CORIN: variants seen among roughly 807,000 people sequenced by gnomAD.
The protein encoded by CORIN is corin, serine peptidase.
In CORIN, 117 loss-of-function variants were observed where a neutral mutation model predicts 125.3. That is an observed-to-expected ratio of 0.93 (90% CI 0.80 to 1.09). The LOEUF is 1.09. Among genes scored for constraint, CORIN ranks in the 50% least tolerant of loss-of-function variants. The probability of loss-of-function intolerance (pLI) is 0.00; values close to 1 mark genes in which losing one functional copy is unlikely to be tolerated. For missense variants in CORIN, 1,253 were observed against 1,306.7 expected, an observed-to-expected ratio of 0.96 and a Z score of 0.63; for synonymous variants, 450 against 466.4, an observed-to-expected ratio of 0.96 and a Z score of 0.45.
chr4:47,711,043 A>G (rs1468236024), intron 5 of CORIN, among the ~76,000 whole-genome samples: 1 of 152,184 alleles, frequency 6.6e-6, no homozygotes, highest in Non-Finnish European at 1.5e-5. Flanking sequence ...GACTTTGAAG[A>G]ACAAAGAATG....
chr4:47,662,769 T>C lies in CORIN; in HGVS notation c.1590-913A>G, dbSNP rs1489664199. 2.6e-5 allele frequency among the ~76,000 whole-genome samples: 4 copies of C among 152,176 alleles called. No individual in the cohort carries two copies. The South Asian group carries it at 6.2e-4, about 24-fold the overall frequency. ...TTAAGATAAAATGGGAGACAGATCT[T>C]CCAGAAAGGCCAGCTCCAGTCTTGC... On this transcript the variant is annotated intron_variant, in intron 11 of 21. Transcript: ENST00000273857.
At chr4:47,791,136 T>C (rs1731059799) in intron 2 of CORIN, among the ~76,000 whole-genome samples, 1 of 152,140 alleles carries the variant, frequency 6.6e-6, no homozygotes, top group African/African-American at 2.4e-5. Context: ...AATTTTGAGA[T>C]GAAGAGACTA....
intron 15 of CORIN, 76 bp downstream of exon 15, chr4:47,643,070 T>G: frequency 2.5e-6 from 4 of 1,608,792 alleles, no homozygotes; most frequent in Non-Finnish European, 3.4e-6. Flanking sequence ...ATCCAGGAAG[T>G]AATTTAGGAT....
chr4:47,657,451 C>T (rs1021740985), intron 12 of CORIN, among the ~76,000 whole-genome samples: 8 of 147,836 alleles, frequency 5.4e-5, no homozygotes, highest in East Asian at 2.0e-4. Context: ...AGGAGAATGG[C>T]GAGAACCCAT....
At chr4:47,648,521 A>C (rs748526497) in intron 13 of CORIN, among the ~76,000 whole-genome samples, 1 of 152,166 alleles carries the variant, frequency 6.6e-6, no homozygotes, top group Non-Finnish European at 1.5e-5. Flanking sequence ...AAACTCTGTG[A>C]AACAGGCTGC....
chr4:47,720,396 A>G, intron 5 of CORIN, among the ~76,000 whole-genome samples: 1 of 152,234 alleles, frequency 6.6e-6, no homozygotes. Flanking sequence ...CCAGGTCAAT[A>G]TTCGCAGTTC....
rs192313001 is a variant in CORIN, at chr4:47,669,261, C to A, written c.1358-3998G>T. On this transcript the variant is annotated intron_variant, in intron 10 of 21. Transcript: ENST00000273857. ...GATCGTTAACTCAATGGTGTTATAT[C>A]GTTATGATGTGATACTCTGAAGTTA... Among the ~76,000 whole-genome samples the A allele has an allele frequency of 2.6e-4, 39 of 152,154 alleles. No homozygotes were observed. In the East Asian group the frequency reaches 7.4e-3, roughly 29 times the overall value.
chr4:47,669,331 G>A (rs901183760), intron 10 of CORIN, among the ~76,000 whole-genome samples: 4 of 152,110 alleles, frequency 2.6e-5, no homozygotes, highest in African/African-American at 9.7e-5. Flanking sequence ...TGAAAAATGT[G>A]ACTTTTCTAC....
intron 3 of CORIN, among the ~76,000 whole-genome samples, chr4:47,777,013 G>A (rs1285514193): frequency 6.6e-6 from 1 of 152,144 alleles, no homozygotes; most frequent in Non-Finnish European, 1.5e-5. Flanking sequence ...AATCGATCAT[G>A]TTTGTTTCTG....
chr4:47,645,835 G>A (rs533382742), intron 13 of CORIN, among the ~76,000 whole-genome samples: 2 of 152,230 alleles, frequency 1.3e-5, no homozygotes, highest in East Asian at 1.9e-4. Flanking sequence ...GCAGTAAGCC[G>A]AGATTGCACA....
intron 5 of CORIN, among the ~76,000 whole-genome samples, chr4:47,740,440 T>C (rs759811634): frequency 6.6e-6 from 1 of 151,968 alleles, no homozygotes; most frequent in Non-Finnish European, 1.5e-5. Flanking sequence ...CTCTGTGTTA[T>C]GTTTTCCTGA....
intron 5 of CORIN, among the ~76,000 whole-genome samples, chr4:47,737,320 T>C (rs1166674829): frequency 6.6e-6 from 1 of 152,198 alleles, no homozygotes; most frequent in Non-Finnish European, 1.5e-5. Flanking sequence ...ACATATACGA[T>C]CTGGCCATAT....
chr4:47,754,124 T>C (rs1472144789), intron 4 of CORIN, among the ~76,000 whole-genome samples: 2 of 152,262 alleles, frequency 1.3e-5, no homozygotes, highest in African/African-American at 2.4e-5. Context: ...TGATCTGTCA[T>C]GGCCTGATTC....
chr4:47,715,690 CA>C (rs1474697631), intron 5 of CORIN, among the ~76,000 whole-genome samples: 2 of 152,174 alleles, frequency 1.3e-5, no homozygotes, highest in Non-Finnish European at 2.9e-5. Flanking sequence ...TGGTTTGTGT[CA>C]GGACCTCCTG....
chr4:47,788,007 T>G (rs1409970186), intron 2 of CORIN, among the ~76,000 whole-genome samples: 1 of 152,254 alleles, frequency 6.6e-6, no homozygotes, highest in Non-Finnish European at 1.5e-5. Flanking sequence ...TGCTTTGTCT[T>G]TAGGAAGAAA....
At chr4:47,727,765 T>C (rs1488984081) in intron 5 of CORIN, among the ~76,000 whole-genome samples, 1 of 152,154 alleles carries the variant, frequency 6.6e-6, no homozygotes, top group Non-Finnish European at 1.5e-5. Flanking sequence ...CACTATGGGA[T>C]TTAGGTTTCA....
In CORIN at chr4:47,806,912, A is replaced by G. The variant is rs778875449; in HGVS notation, c.199T>C (p.Ser67Pro). The G allele has an allele frequency of 6.2e-7, 1 of 1,612,424 alleles. No homozygotes were observed. The highest frequency in any genetic ancestry group is 8.5e-7 in the Non-Finnish European group (1 of 1,179,416). ...TAATGGCCTCACCCACCAACATAGG[A>G]AAGCAGGATCACCAGCAAGAGAACG... ...ALVLLLVILL[S>P]YVGTLQKVYF... The change falls in exon 2 of 22, where the codon TCC becomes CCC. Residue 67 changes from serine to proline, a missense_variant. By Grantham distance (74) the Ser-to-Pro change is moderately conservative (BLOSUM62 -1). Transcript: ENST00000273857.
At position 47,826,092 on chromosome 4, in the gene CORIN, T is replaced by C. The variant is rs143009808; in HGVS notation, c.63+11795A>G. On this transcript the variant is annotated intron_variant, in intron 1 of 21. Transcript: ENST00000273857. ...TTAAAGGCAGTGATAAGACACCAAC[T>C]GAGTTTTTGCCATCAAAGGCGGCAA... Among the ~76,000 whole-genome samples, 575 of 152,100 alleles carry C rather than the reference T, an allele frequency of 3.8e-3. 3 individuals carry two copies. Among genetic ancestry groups the C allele is most frequent in the Non-Finnish European group, 6.0e-3 (408 of 68,014 alleles).
At chr4:47,834,356 A>C (rs1034602892) in intron 1 of CORIN, among the ~76,000 whole-genome samples, 1 of 152,186 alleles carries the variant, frequency 6.6e-6, no homozygotes, top group African/African-American at 2.4e-5. Context: ...CCAGACACAG[A>C]AGGACAAATA....
Sources: gnomAD v4.1 joint callset for allele counts (sites outside exome capture counted in the v4.1 genomes callset) on GRCh38, gnomAD v4.1.1 for gene constraint, MANE v1.5 for transcripts, NCBI Gene and HGNC (gene_info 2026-07-23, HGNC 2026-07-21) for gene names.